LHFPL3: variants seen among roughly 807,000 people sequenced by gnomAD.
LHFPL3 encodes the protein LHFPL tetraspan subfamily member 3 protein.
A neutral mutation model predicts 19.3 loss-of-function variants in LHFPL3; 5 were observed. The observed-to-expected ratio is 0.26, with a 90% CI of 0.14 to 0.54. The LOEUF (loss-of-function observed/expected upper bound fraction) is 0.54, where lower values mean the gene tolerates loss of function less well. LHFPL3 is among the 20% of genes least tolerant of loss of function. The pLI, the probability that LHFPL3 is intolerant of heterozygous loss-of-function variation, is 0.94. For synonymous variants in LHFPL3, 133 were observed against 126.2 expected, an observed-to-expected ratio of 1.05 and a Z score of -0.36; for missense variants, 249 against 307.4, an observed-to-expected ratio of 0.81 and a Z score of 1.42.
intron 2 of LHFPL3, among the ~76,000 whole-genome samples, chr7:104,737,286 A>T (rs1008173921): frequency 6.6e-6 from 1 of 152,096 alleles, no homozygotes; most frequent in African/African-American, 2.4e-5. Context: ...GTATTCAGCT[A>T]TGTTTCAGGT....
At chr7:104,701,001 T>C (rs2116173848) in intron 1 of LHFPL3, among the ~76,000 whole-genome samples, 1 of 152,322 alleles carries the variant, frequency 6.6e-6, no homozygotes, top group African/African-American at 2.4e-5. Flanking sequence ...CATCTTTCTT[T>C]GTTTACACTT....
At chr7:104,666,520 T>C (rs1206064324) in intron 1 of LHFPL3, among the ~76,000 whole-genome samples, 1 of 66,032 alleles carries the variant, frequency 1.5e-5, no homozygotes, top group African/African-American at 5.4e-5. Flanking sequence ...TTCTTTTTTT[T>C]TTTTTTTTTT....
At chr7:104,729,410 TATA>T (rs1793649072) in intron 1 of LHFPL3, among the ~76,000 whole-genome samples, 1 of 152,280 alleles carries the variant, frequency 6.6e-6, no homozygotes, top group Admixed American at 6.6e-5. Flanking sequence ...TTTTGAAATG[TATA>T]ATATAATGTT....
chr7:104,801,631 C>T (rs866765253), intron 2 of LHFPL3, among the ~76,000 whole-genome samples: 2 of 152,160 alleles, frequency 1.3e-5, no homozygotes, highest in Middle Eastern at 6.8e-3. Context: ...AGTGCAGTGG[C>T]GCGATCTCTG....
chr7:104,852,059 T>A (rs999601196), intron 2 of LHFPL3, among the ~76,000 whole-genome samples: 1 of 152,096 alleles, frequency 6.6e-6, no homozygotes, highest in Non-Finnish European at 1.5e-5. Context: ...CCTCTCATTT[T>A]TCTTAGGCTG....
intron 1 of LHFPL3, among the ~76,000 whole-genome samples, chr7:104,703,521 G>T (rs1027341201): frequency 6.6e-6 from 1 of 152,108 alleles, no homozygotes; most frequent in African/African-American, 2.4e-5. Context: ...CTGCTTAAAT[G>T]CTTTTGACTT....
At chr7:104,860,848 A>G (rs1791605332) in intron 2 of LHFPL3, among the ~76,000 whole-genome samples, 1 of 152,232 alleles carries the variant, frequency 6.6e-6, no homozygotes, top group South Asian at 2.1e-4. Flanking sequence ...TCCAGAGTAG[A>G]CAGGGACACA....
intron 1 of LHFPL3, among the ~76,000 whole-genome samples, chr7:104,576,046 G>A (rs560071409): frequency 7.2e-4 from 110 of 152,008 alleles, no homozygotes; most frequent in African/African-American, 2.5e-3. Flanking sequence ...CCTAATTTAC[G>A]TTTGACATTC....
intron 1 of LHFPL3, among the ~76,000 whole-genome samples, chr7:104,544,989 A>G (rs1794554139): frequency 6.6e-6 from 1 of 152,018 alleles, no homozygotes; most frequent in African/African-American, 2.4e-5. Context: ...GTTTTTTCGT[A>G]AGGATTTATG....
intron 2 of LHFPL3, among the ~76,000 whole-genome samples, chr7:104,756,675 T>C (rs901376306): frequency 1.3e-5 from 2 of 152,038 alleles, no homozygotes; most frequent in African/African-American, 2.4e-5. Flanking sequence ...AATTTTTATA[T>C]TTTTAGTAGA....
chr7:104,578,003 A>G (rs570768417), intron 1 of LHFPL3, among the ~76,000 whole-genome samples: 1 of 152,340 alleles, frequency 6.6e-6, no homozygotes, highest in Non-Finnish European at 1.5e-5. Context: ...TCGGTTTATC[A>G]TCTTGTGTTG....
At chr7:104,840,474 CTTTTTTTTTTTTTTTTT>C (rs71155530) in intron 2 of LHFPL3, among the ~76,000 whole-genome samples, 6 of 65,582 alleles carry the variant, frequency 9.1e-5, no homozygotes, top group Non-Finnish European at 1.1e-4. Context: ...TTTTCTTTTC[CTTTTTTTTTTTTTTTTT>C]TTTTTTTTTT....
chr7:104,562,940 C>G (rs960915497), intron 1 of LHFPL3, among the ~76,000 whole-genome samples: 1 of 151,882 alleles, frequency 6.6e-6, no homozygotes, highest in African/African-American at 2.4e-5. Flanking sequence ...AGTACCCTGC[C>G]GTGTGAGGTG....
chr7:104,648,044 T>C (rs1051579972), intron 1 of LHFPL3, among the ~76,000 whole-genome samples: 2 of 152,216 alleles, frequency 1.3e-5, no homozygotes, highest in African/African-American at 4.8e-5. Context: ...ATGCCCCTAA[T>C]GAGATAACTG....
intron 2 of LHFPL3, among the ~76,000 whole-genome samples, chr7:104,889,346 T>C (rs1268052045): frequency 1.3e-5 from 2 of 152,294 alleles, no homozygotes; most frequent in Admixed American, 6.5e-5. Context: ...AAATCAAGTA[T>C]TGGCTTTTCC....
At chr7:104,461,042 G>C (rs1336165382) in intron 1 of LHFPL3, among the ~76,000 whole-genome samples, 1 of 152,164 alleles carries the variant, frequency 6.6e-6, no homozygotes, top group Non-Finnish European at 1.5e-5. Context: ...CAGAGAGTGG[G>C]TAATTTATAA....
rs146182082 is a variant in LHFPL3, at chr7:104,861,532, G to A, written c.683-44655G>A. The stretch of plus-strand genomic sequence containing the variant: ...ACCTTGGAGGATGACAGGGCCTCCC[G>A]GGTTAGCAACAGAGAGAGCTGTTAT... On this transcript the variant is annotated intron_variant, in intron 2 of 2. Transcript: ENST00000424859. Among the ~76,000 whole-genome samples the A allele has an allele frequency of 4.0e-3, 603 of 152,212 alleles. 8 individuals carry two copies. Among genetic ancestry groups the A allele is most frequent in the African/African-American group, 0.014 (564 of 41,522 alleles).
intron 1 of LHFPL3, among the ~76,000 whole-genome samples, chr7:104,565,623 A>G (rs1039741779): frequency 1.3e-5 from 2 of 152,216 alleles, no homozygotes; most frequent in African/African-American, 4.8e-5. Flanking sequence ...TACTTTAATG[A>G]AAACCATTAA....
rs1416739378 is a variant in LHFPL3 at position 104,668,016 on chromosome 7, C to T, written c.446-68659C>T. ...GGAACCCAATATCGACCGGAGCCGTCTTCCCAAATCGCCACCCTACACTGC... is the reference window on the plus strand; with the variant it reads ...GGAACCCAATATCGACCGGAGCCGTTTTCCCAAATCGCCACCCTACACTGC... On this transcript the variant is annotated intron_variant, in intron 1 of 2. Coordinates refer to ENST00000424859, the MANE Select transcript of LHFPL3 (RefSeq NM_199000.3). The T allele has an allele frequency of 9.9e-6, 16 of 1,613,814 alleles. No homozygotes were observed. The Admixed American group carries it at 2.7e-4, about 27-fold the overall frequency.
Sources: allele counts gnomAD v4.1 joint callset (sites outside exome capture counted in the v4.1 genomes callset), GRCh38; gene constraint gnomAD v4.1.1; transcripts MANE v1.5; gene names NCBI Gene and HGNC (gene_info 2026-07-23, HGNC 2026-07-21).